The following ACAD11 variants were observed in gnomAD, a reference collection of about 807,000 sequenced individuals.
ACAD11 encodes acyl-CoA dehydrogenase family member 11.
A neutral mutation model predicts 102.2 loss-of-function variants in ACAD11; 83 were observed. That is an observed-to-expected ratio of 0.81 (90% CI 0.68 to 0.97). The LOEUF (loss-of-function observed/expected upper bound fraction) is 0.97. Ranked by LOEUF, ACAD11 falls within the 50% of genes least tolerant of loss-of-function variation. The pLI is 0.00. For missense variants in ACAD11, 901 were observed against 951.7 expected (o/e 0.95, Z 0.70); for synonymous variants, 324 against 319.8 (o/e 1.01, Z -0.14).
In ACAD11 at chr3:132,612,437, C is replaced by G. The variant is rs1465763343; in HGVS notation, c.1414+6197G>C. Reference sequence around the variant, plus strand: ...AGAAACTACCATCAGAGTGAACAGGCAACCTACAGAATGGGAGAAAATTAT... The same window carrying G: ...AGAAACTACCATCAGAGTGAACAGGGAACCTACAGAATGGGAGAAAATTAT... On this transcript the variant is annotated intron_variant, in intron 11 of 19. Coordinates refer to ENST00000264990, the MANE Select transcript of ACAD11 (RefSeq NM_032169.5). Among the ~76,000 whole-genome samples the G allele has an allele frequency of 3.3e-5, 5 of 151,984 alleles. No individual in the cohort carries two copies. The East Asian group carries it at 7.7e-4, about 23-fold the overall frequency.
intron 13 of ACAD11, among the ~76,000 whole-genome samples, chr3:132,595,358 G>C (rs1938255578): frequency 6.6e-6 from 1 of 152,138 alleles, no homozygotes; most frequent in Non-Finnish European, 1.5e-5. Context: ...AGGTCAGAGA[G>C]ACAATGAGGG....
chr3:132,615,675 G>A (rs887791766), intron 11 of ACAD11, among the ~76,000 whole-genome samples: 7 of 152,242 alleles, frequency 4.6e-5, no homozygotes, highest in Admixed American at 2.6e-4. Context: ...AGCGCCTGTC[G>A]CAAGGTGAGG....
chr3:132,560,007 G>A, intron 18 of ACAD11, 65 bp from the exon 19 acceptor site: 1 of 1,305,960 alleles, frequency 7.7e-7, no homozygotes, highest in Non-Finnish European at 1.1e-6. Context: ...GCAAAACTGG[G>A]AAATGAAACA....
At chr3:132,633,469 C>G (rs566758132) in intron 5 of ACAD11, among the ~76,000 whole-genome samples, 10 of 152,004 alleles carry the variant, frequency 6.6e-5, no homozygotes, top group African/African-American at 1.9e-4. Context: ...TGCTGGATTC[C>G]GTTTGCCAGT....
chr3:132,598,335 A>G (rs1322232779), intron 13 of ACAD11, among the ~76,000 whole-genome samples: 1 of 152,222 alleles, frequency 6.6e-6, no homozygotes, highest in East Asian at 1.9e-4. Context: ...CAATGTTGAC[A>G]TAGAAGATTT....
chr3:132,598,952 T>C (rs1163816624), intron 13 of ACAD11, among the ~76,000 whole-genome samples: 1 of 152,016 alleles, frequency 6.6e-6, no homozygotes, highest in Non-Finnish European at 1.5e-5. Flanking sequence ...AATACTCTGG[T>C]GGAAGTAAGA....
At chr3:132,568,204 G>A (rs867457734) in intron 17 of ACAD11, among the ~76,000 whole-genome samples, 3 of 152,242 alleles carry the variant, frequency 2.0e-5, no homozygotes, top group African/African-American at 7.2e-5. Context: ...TCCAGCCTGG[G>A]CAACAACAGT....
intron 1 of ACAD11, among the ~76,000 whole-genome samples, chr3:132,657,286 A>G (rs1937859615): frequency 6.6e-6 from 1 of 152,170 alleles, no homozygotes; most frequent in African/African-American, 2.4e-5. Context: ...TCAAACTTCT[A>G]TAAATATGTG....
chr3:132,583,057 G>A (rs1309807776), intron 13 of ACAD11, among the ~76,000 whole-genome samples: 1 of 152,114 alleles, frequency 6.6e-6, no homozygotes, highest in Non-Finnish European at 1.5e-5. Context: ...GGATGATGCT[G>A]GCCTCATAAA....
intron 13 of ACAD11, chr3:132,600,269 C>T (rs982702990): frequency 7.2e-6 from 6 of 833,020 alleles, no homozygotes; most frequent in Non-Finnish European, 1.1e-5. Context: ...TAGATTCAGG[C>T]TCACATATGT....
chr3:132,631,642 C>CT (rs2107866728), intron 5 of ACAD11, among the ~76,000 whole-genome samples, 163 bp from the exon 6 acceptor site: 1 of 152,304 alleles, frequency 6.6e-6, no homozygotes, highest in South Asian at 2.1e-4. Flanking sequence ...AGCCAATTAG[C>CT]CTTGATTATA....
intron 9 of ACAD11, among the ~76,000 whole-genome samples, chr3:132,623,960 A>G (rs1331496506): frequency 1.3e-5 from 2 of 152,090 alleles, no homozygotes; most frequent in Admixed American, 6.5e-5. Flanking sequence ...CAGGGAGGAC[A>G]GACAACCTGG....
intron 13 of ACAD11, among the ~76,000 whole-genome samples, chr3:132,595,493 A>T (rs931858744): frequency 2.0e-5 from 3 of 152,238 alleles, no homozygotes; most frequent in Non-Finnish European, 4.4e-5. Flanking sequence ...CAGCAAAAGA[A>T]ACTATCAACA....
intron 17 of ACAD11, among the ~76,000 whole-genome samples, chr3:132,566,296 C>CA (rs371477145): frequency 0.37 from 22,708 of 61,692 alleles, 3,653 homozygotes; most frequent in East Asian, 0.74. Context: ...AAAACAAACT[C>CA]AAAAAAACAA....
rs760776016 is a variant in ACAD11 at position 132,650,834 on chromosome 3, A to G, written c.150-5938T>C. On this transcript the variant is annotated intron_variant, in intron 1 of 19. Transcript: ENST00000264990. ...TTCTTTATCCCTCTTTATATCATCA[A>G]TACCAGAAGTCCCAAATTCCCCTTT... Among the ~76,000 whole-genome samples, 20 of 152,046 alleles carry G rather than the reference A, an allele frequency of 1.3e-4. 1 individual carries two copies. The highest frequency in any genetic ancestry group is 2.1e-4 in the Non-Finnish European group (14 of 68,012).
chr3:132,592,742 G>A (rs1046384568), intron 13 of ACAD11, among the ~76,000 whole-genome samples: 1 of 152,094 alleles, frequency 6.6e-6, no homozygotes, highest in Non-Finnish European at 1.5e-5. Flanking sequence ...TTTGGTTTTA[G>A]CTTTAATACT....
At chr3:132,608,112 C>T (rs879010340) in intron 11 of ACAD11, among the ~76,000 whole-genome samples, 2 of 152,178 alleles carry the variant, frequency 1.3e-5, no homozygotes, top group Non-Finnish European at 2.9e-5. Context: ...CTTACAACAG[C>T]TCCTGAAGGA....
At chr3:132,560,660 A>G (rs1937028967) in intron 18 of ACAD11, among the ~76,000 whole-genome samples, 1 of 151,734 alleles carries the variant, frequency 6.6e-6, no homozygotes, top group African/African-American at 2.4e-5. Flanking sequence ...TCCCACCTCC[A>G]CTTCCCAAGT....
At chr3:132,652,276 T>C (rs1195619443) in intron 1 of ACAD11, among the ~76,000 whole-genome samples, 3 of 152,214 alleles carry the variant, frequency 2.0e-5, no homozygotes, top group East Asian at 3.9e-4. Context: ...CCTGACTTCA[T>C]GTAAGACATC....
Sources: allele counts gnomAD v4.1 joint callset (sites outside exome capture counted in the v4.1 genomes callset), GRCh38; gene constraint gnomAD v4.1.1; transcripts MANE v1.5; gene names NCBI Gene and HGNC (gene_info 2026-07-23, HGNC 2026-07-21).